Variants in HSPBP1 observed in about 807,000 individuals in gnomAD.
The protein encoded by HSPBP1 is hsp70-binding protein 1.
In HSPBP1, 31 loss-of-function variants were observed where a neutral mutation model predicts 41.7. That is an observed-to-expected ratio of 0.74 (90% CI 0.56 to 1.00). HSPBP1 has a LOEUF of 1.00. Among genes scored for constraint, HSPBP1 ranks in the 50% least tolerant of loss-of-function variants. The probability of loss-of-function intolerance (pLI) is 0.00; values close to 1 mark genes in which losing one functional copy is unlikely to be tolerated. For missense variants in HSPBP1, 439 were observed against 487.9 expected (o/e 0.90, Z 0.94); for synonymous variants, 199 against 214.4 (o/e 0.93, Z 0.63).
chr19:55,266,716 C>CT (rs1251976203), intron 4 of HSPBP1, among the ~76,000 whole-genome samples: 1 of 152,104 alleles, frequency 6.6e-6, no homozygotes, highest in Non-Finnish European at 1.5e-5. Context: ...CAAGCATTAT[C>CT]TTTTTTTGAA....
chr19:55,278,481 C>T (rs774859925), intron 2 of HSPBP1, among the ~76,000 whole-genome samples: 2 of 152,110 alleles, frequency 1.3e-5, no homozygotes, highest in Non-Finnish European at 1.5e-5. Context: ...TAATAGCTAT[C>T]GCTATGAATC....
chr19:55,276,259 A>G (rs1422696492), intron 3 of HSPBP1, among the ~76,000 whole-genome samples: 1 of 152,120 alleles, frequency 6.6e-6, no homozygotes, highest in African/African-American at 2.4e-5. Flanking sequence ...CAAAACGCTG[A>G]TTAGTGGTTG....
intron 7 of HSPBP1, 117 bp from the exon 8 acceptor site, chr19:55,262,799 C>A: frequency 4.6e-6 from 4 of 868,264 alleles, no homozygotes; most frequent in East Asian, 5.4e-5. Flanking sequence ...CCCACTCCCC[C>A]CCACCAGAGG....
chr19:55,272,493 C>G lies in HSPBP1; in HGVS notation c.640+1905G>C, dbSNP rs527793410. ...AGGGGCTGCGGGAGAGGACGGACGCCGAGTGATTGCTTAACGGGTACAGAA... is the reference window on the plus strand; with the variant it reads ...AGGGGCTGCGGGAGAGGACGGACGCGGAGTGATTGCTTAACGGGTACAGAA... On this transcript the variant is annotated intron_variant, in intron 4 of 7. Coordinates refer to ENST00000433386, the MANE Select transcript of HSPBP1 (RefSeq NM_012267.5). The surrounding 1 kb of genome is among the most constrained non-coding windows in gnomAD (Gnocchi z 4.2). 1.3e-5 allele frequency among the ~76,000 whole-genome samples: 2 copies of G among 152,080 alleles called. No homozygotes were observed. Among genetic ancestry groups the G allele is most frequent in the Admixed American group, 1.3e-4 (2 of 15,258 alleles).
chr19:55,266,185 C>T lies in HSPBP1; in HGVS notation c.742G>A (p.Val248Ile). The T allele has an allele frequency of 6.3e-7, 1 of 1,590,030 alleles. No individual in the cohort carries two copies. The highest frequency in any genetic ancestry group is 8.6e-7 in the Non-Finnish European group (1 of 1,168,310). Residue 248 changes from valine to isoleucine, a missense_variant, in exon 5 of 8, where the codon GTC (valine) becomes ATC (isoleucine). Transcript: ENST00000433386. ...TTCTGCAGCAGGAATGCTGATTTGA[C>T]CTTGAGCTTCTGCACCTGCTGCTGC... ...AMQQQVQKLK[V>I]KSAFLLQNLL...
At position 55,272,813 on chromosome 19, in the gene HSPBP1, G is replaced by C. The variant is rs1454496683; in HGVS notation, c.640+1585C>G. On this transcript the variant is annotated intron_variant, in intron 4 of 7. Coordinates refer to ENST00000433386, the MANE Select transcript of HSPBP1 (RefSeq NM_012267.5). This position sits in a 1 kb window ranked among gnomAD's most constrained non-coding sequence, Gnocchi z 4.2. Reference sequence around the variant, plus strand: ...AGATCGCGCCATTGCGCTCCAGCCTGGGTGACAAGAGCGAGACTCTGTCTC... The same window carrying C: ...AGATCGCGCCATTGCGCTCCAGCCTCGGTGACAAGAGCGAGACTCTGTCTC... Among the ~76,000 whole-genome samples the C allele has an allele frequency of 2.0e-5, 3 of 151,044 alleles. No homozygotes were observed. Among genetic ancestry groups the C allele is most frequent in the African/African-American group, 4.9e-5 (2 of 40,922 alleles).
intron 4 of HSPBP1, among the ~76,000 whole-genome samples, chr19:55,271,246 T>C (rs555266268): frequency 6.6e-6 from 1 of 152,116 alleles, no homozygotes; most frequent in Admixed American, 6.5e-5. Context: ...GGTCTCACTC[T>C]GTCACCCAGG....
intron 6 of HSPBP1, among the ~76,000 whole-genome samples, 198 bp from the exon 7 acceptor site, chr19:55,265,587 G>A (rs1204269713): frequency 6.6e-6 from 1 of 152,018 alleles, no homozygotes; most frequent in Non-Finnish European, 1.5e-5. Context: ...CTCAGCACAG[G>A]GCCTGGTGCG....
At chr19:55,278,871 G>A (rs2088147307) in intron 2 of HSPBP1, among the ~76,000 whole-genome samples, 1 of 144,650 alleles carries the variant, frequency 6.9e-6, no homozygotes, top group Non-Finnish European at 1.5e-5. Flanking sequence ...CCAAGACTGC[G>A]CCTCTGCACT....
At chr19:55,265,222 T>G in intron 7 of HSPBP1, 56 bp downstream of exon 7, 6 of 765,488 alleles carry the variant, frequency 7.8e-6, no homozygotes, top group African/African-American at 3.0e-5. Context: ...CCTGGAGCCC[T>G]TGTCCCCTCC....
rs1339330243 is a variant in HSPBP1, at chr19:55,274,590, C to T, written c.448G>A (p.Val150Met). 12 of 1,607,822 alleles carry T rather than the reference C, an allele frequency of 7.5e-6. No homozygotes were observed. Among genetic ancestry groups the T allele is most frequent in the African/African-American group, 1.3e-5 (1 of 74,906 alleles). The change falls in exon 4 of 8, where the codon GTG (valine) becomes ATG (methionine). Residue 150 changes from valine (V) to methionine (M), a missense_variant. Physicochemically the swap from Val to Met is conservative, Grantham distance 21. Coordinates refer to ENST00000433386, the MANE Select transcript of HSPBP1 (RefSeq NM_012267.5). ...FCQLSGMHLL[V>M]GRYLEAGAAG... is the part of the protein sequence containing the mutation. ...GCCCCCGCCTCCAGGTACCGGCCCA[C>T]CAGCAGGTGCATGCCAGACAGCTGG...
At position 55,262,472 on chromosome 19, in the gene HSPBP1, T is replaced by G; in HGVS notation, c.*136A>C. On this transcript the variant is annotated 3_prime_UTR_variant, in exon 8 of 8. Coordinates refer to ENST00000433386, the MANE Select transcript of HSPBP1 (RefSeq NM_012267.5). ...CTTTCTCAGCGCCCCTTCCAGGGACTGCACAGAGACGGGCTGGCACACCCT... is the reference window on the plus strand; with the variant it reads ...CTTTCTCAGCGCCCCTTCCAGGGACGGCACAGAGACGGGCTGGCACACCCT... The G allele has an allele frequency of 2.0e-6, 3 of 1,463,696 alleles. No homozygotes were observed. Among genetic ancestry groups the G allele is most frequent in the Non-Finnish European group, 2.7e-6 (3 of 1,105,548 alleles). 90.7% of individuals were successfully genotyped at this position (1,463,696 alleles called of 1,614,324 possible). A position where few individuals can be genotyped will look rare whatever the true frequency, so the allele number is the denominator to read the frequency against.
chr19:55,278,024 A>G (rs1474193770), intron 2 of HSPBP1, among the ~76,000 whole-genome samples, 178 bp from the exon 3 acceptor site: 1 of 152,190 alleles, frequency 6.6e-6, no homozygotes, highest in Non-Finnish European at 1.5e-5. Context: ...AGGTGGGTAG[A>G]CTGCCTGAGC....
Position 55,274,039 on chromosome 19 carries a change from G to A in HSPBP1, c.640+359C>T, listed in dbSNP as rs566503952. On this transcript the variant is annotated intron_variant, in intron 4 of 7. Transcript: ENST00000433386. ...GGTGATAGTGTCTCTCCATGGCCTG[G>A]AGGCCACCCACCAGATGCTGCTCAA... is the stretch of plus-strand genomic sequence containing the variant. Among the ~76,000 whole-genome samples, 5 of 152,256 alleles carry A rather than the reference G, an allele frequency of 3.3e-5. No individual in the cohort carries two copies. In the South Asian group the frequency reaches 8.3e-4, roughly 25 times the overall value.
chr19:55,273,038 G>T (rs1016764436), intron 4 of HSPBP1, among the ~76,000 whole-genome samples: 2 of 152,114 alleles, frequency 1.3e-5, no homozygotes, highest in Non-Finnish European at 2.9e-5. Context: ...GCTCTGTCAC[G>T]CAGGCTGGAG....
At chr19:55,274,924 C>T (rs1309380639) in intron 3 of HSPBP1, among the ~76,000 whole-genome samples, 1 of 152,164 alleles carries the variant, frequency 6.6e-6, no homozygotes, top group Admixed American at 6.5e-5. Context: ...GAGAAACCAG[C>T]CCTGCCCACA....
Position 55,272,103 on chromosome 19 carries a change from G to T in HSPBP1, c.640+2295C>A, listed in dbSNP as rs368394083. Among the ~76,000 whole-genome samples, 152 of 151,636 alleles carry T rather than the reference G, an allele frequency of 1.0e-3. 5 individuals carry two copies. In the South Asian group the frequency reaches 0.03, roughly 30 times the overall value. ...AAAAAAAAAAAGCCAACCTCGAACA[G>T]ATTAAATGTAGAGTTACGATATGAC... On this transcript the variant is annotated intron_variant, in intron 4 of 7. Transcript: ENST00000433386. The surrounding 1 kb of genome is among the most constrained non-coding windows in gnomAD (Gnocchi z 4.2).
In HSPBP1 at chr19:55,265,869, T is replaced by C; in HGVS notation, c.893+17A>G. 1 of 1,578,922 alleles carries C rather than the reference T, an allele frequency of 6.3e-7. No homozygotes were observed. Among genetic ancestry groups the C allele is most frequent in the Non-Finnish European group, 8.6e-7 (1 of 1,163,762 alleles). Reference sequence around the variant, plus strand: ...GGCCCCCACCCCAGGCCCCGTCCTCTCAAGGAGCCAAAGTACCTGCACAGG... The same window carrying C: ...GGCCCCCACCCCAGGCCCCGTCCTCCCAAGGAGCCAAAGTACCTGCACAGG... On this transcript the variant is annotated intron_variant, in intron 6 of 7. Coordinates refer to ENST00000433386, the MANE Select transcript of HSPBP1 (RefSeq NM_012267.5).
chr19:55,265,775 T>C (rs62126349), intron 6 of HSPBP1, 111 bp downstream of exon 6: 408,739 of 680,240 alleles, frequency 0.6, 125,884 homozygotes, highest in African/African-American at 0.7. Flanking sequence ...CCTTCCTCTC[T>C]ACGGGAAGGT....
Sources: allele counts gnomAD v4.1 joint callset (sites outside exome capture counted in the v4.1 genomes callset), GRCh38; gene constraint gnomAD v4.1.1; non-coding constraint Gnocchi (gnomAD v3.1); transcripts MANE v1.5; gene names NCBI Gene and HGNC (gene_info 2026-07-23, HGNC 2026-07-21).